Variants in GATAD2A observed in about 807,000 individuals in gnomAD.
The protein encoded by GATAD2A is GATA zinc finger domain containing 2A.
In GATAD2A, 12 loss-of-function variants were observed where a neutral mutation model predicts 68.5. The ratio of observed to expected loss-of-function variants is 0.18; its 90% CI spans 0.11 to 0.28. GATAD2A has a LOEUF of 0.28. Among genes scored for constraint, GATAD2A ranks in the 10% least tolerant of loss-of-function variants. The pLI is 1.00. For missense variants in GATAD2A, 755 were observed against 868.5 expected (o/e 0.87, Z 1.64); for synonymous variants, 410 against 375.3 (o/e 1.09, Z -1.07).
At chr19:19,443,856 G>A (rs1248109035) in intron 1 of GATAD2A, among the ~76,000 whole-genome samples, 2 of 151,950 alleles carry the variant, frequency 1.3e-5, no homozygotes, top group East Asian at 3.9e-4. Context: ...GAGACCACTT[G>A]GGAGTAGTTT....
At chr19:19,418,186 G>A (rs573014667) in intron 1 of GATAD2A, among the ~76,000 whole-genome samples, 3 of 152,218 alleles carry the variant, frequency 2.0e-5, no homozygotes, top group South Asian at 4.2e-4. Flanking sequence ...TGTGATGGCC[G>A]AGGATGCAGT....
chr19:19,428,867 G>T (rs1600098432), intron 1 of GATAD2A, among the ~76,000 whole-genome samples: 1 of 152,208 alleles, frequency 6.6e-6, no homozygotes, highest in Non-Finnish European at 1.5e-5. Flanking sequence ...AGCATGCCAG[G>T]GGTGGGGCAG....
At chr19:19,429,446 C>T (rs2053483473) in intron 1 of GATAD2A, among the ~76,000 whole-genome samples, 3 of 152,088 alleles carry the variant, frequency 2.0e-5, no homozygotes, top group African/African-American at 7.2e-5. Flanking sequence ...TGCTCCTTCA[C>T]ATGCACGTAG....
Position 19,434,244 on chromosome 19 carries a change from G to A in GATAD2A, c.-7+28225G>A, listed in dbSNP as rs986562055. Among the ~76,000 whole-genome samples, 5 of 152,326 alleles carry A rather than the reference G, an allele frequency of 3.3e-5. No individual in the cohort carries two copies. In the South Asian group the frequency reaches 6.2e-4, roughly 19 times the overall value. ...TAGACCTTGATCCTGCAGCAGAACA[G>A]CACAGGACACCTGCTTCTGAGGCTT... On this transcript the variant is annotated intron_variant, in intron 1 of 11. Coordinates refer to ENST00000683918, the MANE Select transcript of GATAD2A (RefSeq NM_001384528.1).
intron 1 of GATAD2A, chr19:19,440,008 G>A (rs988919876): frequency 1.1e-5 from 2 of 180,608 alleles, no homozygotes; most frequent in Admixed American, 6.3e-5. Context: ...AACAAAGCTG[G>A]GAATGACTTA....
chr19:19,428,511 G>A (rs929449130), intron 1 of GATAD2A, among the ~76,000 whole-genome samples: 3 of 152,220 alleles, frequency 2.0e-5, no homozygotes, highest in Non-Finnish European at 2.9e-5. Flanking sequence ...CAGGCAGGCA[G>A]GCTCCCCGGG....
chr19:19,392,536 C>G (rs1009066188), intron 1 of GATAD2A, among the ~76,000 whole-genome samples: 1 of 150,910 alleles, frequency 6.6e-6, no homozygotes, highest in Non-Finnish European at 1.5e-5. Flanking sequence ...GGATTACAGG[C>G]ACCCACCACC....
At chr19:19,452,461 G>A (rs2056490046) in intron 1 of GATAD2A, among the ~76,000 whole-genome samples, 2 of 152,012 alleles carry the variant, frequency 1.3e-5, no homozygotes, top group African/African-American at 2.4e-5. Context: ...TTGTAAAATG[G>A]TTGTCCACCT....
intron 2 of GATAD2A, among the ~76,000 whole-genome samples, chr19:19,478,442 A>G (rs1043616926): frequency 1.3e-5 from 2 of 152,100 alleles, no homozygotes; most frequent in Non-Finnish European, 2.9e-5. Context: ...TGCTACAAAA[A>G]AAGTAGCTGG....
At chr19:19,402,973 G>A, upstream of GATAD2A, among the ~76,000 whole-genome samples, 1 of 151,810 alleles carries the variant, frequency 6.6e-6, no homozygotes, top group Non-Finnish European at 1.5e-5. Flanking sequence ...AGGTTTCACT[G>A]TGTTGACCAC....
chr19:19,397,117 C>G (rs573726963), intron 1 of GATAD2A, among the ~76,000 whole-genome samples: 2 of 152,192 alleles, frequency 1.3e-5, no homozygotes, highest in African/African-American at 2.4e-5. Context: ...GGAGGTTATG[C>G]TCTTCTAAAA....
intron 2 of GATAD2A, among the ~76,000 whole-genome samples, chr19:19,473,050 A>C (rs2058428241): frequency 6.6e-6 from 1 of 152,098 alleles, no homozygotes. Context: ...CTGGGAGGAG[A>C]CTGGGCTGTG....
Position 19,505,759 on chromosome 19 carries a change from C to G in GATAD2A, c.*285C>G. The G allele has an allele frequency of 2.1e-6, 1 of 468,196 alleles. No individual in the cohort carries two copies. Among genetic ancestry groups the G allele is most frequent in the Non-Finnish European group, 3.7e-6 (1 of 268,656 alleles). 29.0% of individuals were successfully genotyped at this position (468,196 alleles called of 1,614,324 possible). ...TTGCCTTTAGTTTGCCCGACACCAG[C>G]AGAAAAGTGGACCTTGGGGGCTGGT... On this transcript the variant is annotated 3_prime_UTR_variant, in exon 12 of 12. Coordinates refer to ENST00000683918, the MANE Select transcript of GATAD2A (RefSeq NM_001384528.1).
rs2060567761 is a variant in GATAD2A, at chr19:19,502,096, C to T, written c.1578+53C>T. The T allele has an allele frequency of 4.5e-6, 6 of 1,344,240 alleles. No homozygotes were observed. The Admixed American group carries it at 6.9e-5, about 16-fold the overall frequency. The allele number at this position is 1,344,240 out of a possible 1,614,324, so 83.3% of individuals were successfully genotyped here. A position where few individuals can be genotyped will look rare whatever the true frequency, so the allele number is the denominator to read the frequency against. ...CTCGCGCCCCCACCGCAGCCCGTGA[C>T]CACGTCAGTCGCCGACTGTCACGCT... is the stretch of plus-strand genomic sequence containing the variant. On this transcript the variant is annotated intron_variant, in intron 10 of 11. Coordinates refer to ENST00000683918, the MANE Select transcript of GATAD2A (RefSeq NM_001384528.1).
intron 3 of GATAD2A, 54 bp downstream of exon 3, chr19:19,492,492 T>A: frequency 6.2e-7 from 1 of 1,612,710 alleles, no homozygotes; most frequent in Non-Finnish European, 8.5e-7. Flanking sequence ...TTCCTACTCA[T>A]GACACCCTCA....
At chr19:19,481,002 CTT>C (rs2059019493) in intron 2 of GATAD2A, among the ~76,000 whole-genome samples, 2 of 152,232 alleles carry the variant, frequency 1.3e-5, no homozygotes, top group African/African-American at 4.8e-5. Context: ...ACACAGGTGA[CTT>C]CTCTCTCCCT....
intron 1 of GATAD2A, among the ~76,000 whole-genome samples, chr19:19,440,947 T>C (rs1211475207): frequency 8.1e-6 from 1 of 123,162 alleles, no homozygotes; most frequent in Non-Finnish European, 1.6e-5. Context: ...TCCTTCCCTT[T>C]CCTTCCTTTT....
At chr19:19,484,205 C>T (rs10404728) in intron 2 of GATAD2A, among the ~76,000 whole-genome samples, 29,262 of 152,090 alleles carry the variant, frequency 0.19, 3,048 homozygotes, top group South Asian at 0.35. Flanking sequence ...TGCAGTGAGC[C>T]ATGATCGTGC....
chr19:19,485,139 G>GC (rs763655224), intron 2 of GATAD2A, among the ~76,000 whole-genome samples: 3 of 152,154 alleles, frequency 2.0e-5, no homozygotes, highest in Admixed American at 1.3e-4. Flanking sequence ...AGGCTCAGTG[G>GC]GTAGTTACTT....
Sources: allele counts gnomAD v4.1 joint callset (sites outside exome capture counted in the v4.1 genomes callset), GRCh38; gene constraint gnomAD v4.1.1; transcripts MANE v1.5; gene names NCBI Gene and HGNC (gene_info 2026-07-23, HGNC 2026-07-21).